The following REV3L variants were observed in gnomAD, a reference collection of about 807,000 sequenced individuals.
The protein encoded by REV3L is DNA polymerase zeta catalytic subunit.
Under a neutral mutation model 299.4 loss-of-function variants are expected in REV3L, and 69 were observed. That is an observed-to-expected ratio of 0.23 (90% CI 0.19 to 0.28). The LOEUF (loss-of-function observed/expected upper bound fraction) is 0.28. Among genes scored for constraint, REV3L ranks in the 10% least tolerant of loss-of-function variants. The pLI, the probability that REV3L is intolerant of heterozygous loss-of-function variation, is 1.00. For missense variants in REV3L, 3,128 were observed against 3,693.8 expected (o/e 0.85, Z 3.97); for synonymous variants, 1,238 against 1,271.4 (o/e 0.97, Z 0.56).
intron 1 of REV3L, among the ~76,000 whole-genome samples, chr6:111,435,202 C>A (rs1347499628): frequency 6.6e-6 from 1 of 152,120 alleles, no homozygotes; most frequent in African/African-American, 2.4e-5. Context: ...ACAGCAAGAT[C>A]CTGTCTCAAA....
intron 13 of REV3L, among the ~76,000 whole-genome samples, chr6:111,370,866 A>G (rs1167393629): frequency 1.3e-5 from 2 of 152,132 alleles, no homozygotes; most frequent in Non-Finnish European, 2.9e-5. Flanking sequence ...CTATGTTGAC[A>G]CATCATAATT....
chr6:111,463,747 G>A (rs906250520), intron 1 of REV3L, among the ~76,000 whole-genome samples: 12 of 151,996 alleles, frequency 7.9e-5, no homozygotes, highest in Admixed American at 1.3e-4. Context: ...AGAAAAAAAC[G>A]GTTTCATTAT....
At position 111,389,262 on chromosome 6, in the gene REV3L, A is replaced by C. The variant is rs776283611; in HGVS notation, c.758-52T>G. The C allele has an allele frequency of 3.8e-6, 5 of 1,299,826 alleles. No homozygotes were observed. The South Asian group carries it at 6.4e-5, about 17-fold the overall frequency. 80.5% of individuals were successfully genotyped at this position (1,299,826 alleles called of 1,614,324 possible). On this transcript the variant is annotated intron_variant, in intron 6 of 31. Transcript: ENST00000368802. ...TACAGGGTCAAAGTAAGAAATGCCT[A>C]AAAAATCTAAACTTTTCTTTAACAA...
chr6:111,416,900 C>T (rs577946045), intron 1 of REV3L, among the ~76,000 whole-genome samples: 1 of 152,046 alleles, frequency 6.6e-6, no homozygotes, highest in African/African-American at 2.4e-5. Context: ...AGAGCCTTCC[C>T]TAAAAGAGAG....
intron 1 of REV3L, among the ~76,000 whole-genome samples, chr6:111,475,438 G>A (rs539212257): frequency 3.9e-5 from 6 of 152,240 alleles, no homozygotes; most frequent in Non-Finnish European, 7.4e-5. Flanking sequence ...TTTTCAAACT[G>A]CTTTCTATAG....
chr6:111,451,505 T>G (rs1457311988), intron 1 of REV3L, among the ~76,000 whole-genome samples: 3 of 152,106 alleles, frequency 2.0e-5, no homozygotes, highest in Non-Finnish European at 4.4e-5. Flanking sequence ...CTAAGAGCAA[T>G]TATCCCTGGG....
chr6:111,307,778 C>T, intron 30 of REV3L: 1 of 556,202 alleles, frequency 1.8e-6, no homozygotes, highest in Non-Finnish European at 3.2e-6. Context: ...GAACTTACAT[C>T]TTAATATTAT....
chr6:111,401,278 G>GGT, intron 4 of REV3L, among the ~76,000 whole-genome samples: 1 of 152,270 alleles, frequency 6.6e-6, no homozygotes, highest in East Asian at 1.9e-4. Flanking sequence ...TCACAAAGAT[G>GGT]GGAGAAATTG....
In REV3L at chr6:111,365,407, A is replaced by C. The variant is rs1235276798; in HGVS notation, c.6674-63T>G. 5 of 944,096 alleles carry C rather than the reference A, an allele frequency of 5.3e-6. 1 individual carries two copies. In the East Asian group the frequency reaches 1.4e-4, roughly 26 times the overall value. 58.5% of individuals were successfully genotyped at this position (944,096 alleles called of 1,614,324 possible). A position where few individuals can be genotyped will look rare whatever the true frequency, so the allele number is the denominator to read the frequency against. ...AATTACCTGCTTCTGGTTTTTAAAA[A>C]ACCTTTTGTTGTTCCAAACACTTAA... On this transcript the variant is annotated intron_variant, in intron 14 of 31. Coordinates refer to ENST00000368802, the MANE Select transcript of REV3L (RefSeq NM_001372078.1).
At position 111,375,446 on chromosome 6, in the gene REV3L, T is replaced by A; in HGVS notation, c.2909A>T (p.Lys970Met). The A allele has an allele frequency of 6.2e-7, 1 of 1,601,366 alleles. No individual in the cohort carries two copies. Among genetic ancestry groups the A allele is most frequent in the Non-Finnish European group, 8.5e-7 (1 of 1,176,554 alleles). ...ATACTTTATGATGACAGGGGGCAGC[T>A]TTTTAGACATTTTTCTTCGTTTTCG... is the stretch of plus-strand genomic sequence containing the variant. ...KSRKRRKMSKKLPPVIIKYII... is the reference protein window; with the variant it reads ...KSRKRRKMSKMLPPVIIKYII... Residue 970 changes from lysine (K) to methionine (M), a missense_variant, in exon 13 of 32, where the codon AAG becomes ATG. This residue lies in a region of REV3L where 2,409 missense variants were observed against 2,611.8 expected (regional missense o/e 0.92). Coordinates refer to ENST00000368802, the MANE Select transcript of REV3L (RefSeq NM_001372078.1).
intron 1 of REV3L, among the ~76,000 whole-genome samples, chr6:111,428,326 T>C (rs1054691736): frequency 2.0e-5 from 3 of 152,048 alleles, no homozygotes; most frequent in African/African-American, 7.2e-5. Context: ...AGAAAAGTAA[T>C]TAAGAAATTT....
At position 111,335,588 on chromosome 6, in the gene REV3L, C is replaced by T; in HGVS notation, c.7561G>A (p.Val2521Ile). The change falls in exon 22 of 32, where the codon GTT (valine) becomes ATT (isoleucine). Residue 2521 changes from valine (V) to isoleucine (I), a missense_variant. By Grantham distance (29) the Val-to-Ile change is conservative (BLOSUM62 3). Transcript: ENST00000368802. ...LYRWKMVDHY[V>I]SRVRGNLQML... ...TGGAGATTTCCACGGACACGGCTAA[C>T]ATAATGATCAACCATTTTCCATCTG... The T allele has an allele frequency of 6.2e-7, 1 of 1,609,274 alleles. No homozygotes were observed. The highest frequency in any genetic ancestry group is 8.5e-7 in the Non-Finnish European group (1 of 1,177,854).
At chr6:111,446,777 C>T (rs562723681) in intron 1 of REV3L, among the ~76,000 whole-genome samples, 2 of 152,158 alleles carry the variant, frequency 1.3e-5, no homozygotes, top group East Asian at 3.9e-4. Flanking sequence ...CACAAATTCC[C>T]TTCAGTGGGA....
chr6:111,482,451 C>T (rs1793853281), intron 1 of REV3L, among the ~76,000 whole-genome samples: 1 of 152,110 alleles, frequency 6.6e-6, no homozygotes, highest in South Asian at 2.1e-4. Flanking sequence ...TTCGCTCTCC[C>T]GGCCCGCGCC....
At chr6:111,377,951 T>C (rs1780476892) in intron 11 of REV3L, 108 bp from the exon 12 acceptor site, 1 of 840,822 alleles carries the variant, frequency 1.2e-6, no homozygotes, top group Non-Finnish European at 1.8e-6. Flanking sequence ...AAGTTAACTA[T>C]AATAATGTAT....
intron 4 of REV3L, among the ~76,000 whole-genome samples, chr6:111,402,199 G>GACC (rs1281452107): frequency 9.2e-5 from 14 of 152,232 alleles, no homozygotes; most frequent in African/African-American, 3.1e-4. Context: ...TCTATTACTA[G>GACC]ACCAGCACCA....
intron 1 of REV3L, among the ~76,000 whole-genome samples, chr6:111,462,859 T>C (rs574599425): frequency 2.6e-5 from 4 of 152,006 alleles, no homozygotes; most frequent in Non-Finnish European, 5.9e-5. Context: ...AGAATGTAAG[T>C]ACAACACCCC....
At chr6:111,456,456 G>C (rs192371047) in intron 1 of REV3L, among the ~76,000 whole-genome samples, 1 of 152,096 alleles carries the variant, frequency 6.6e-6, no homozygotes, top group Admixed American at 6.5e-5. Flanking sequence ...AATGCTTCAC[G>C]GATTTGGCTC....
Position 111,375,289 on chromosome 6 carries a change from G to C in REV3L, c.3066C>G (p.Asp1022Glu). ...GGGAGTCGGGAACTTTTGGCCAAAA[G>C]TCCTTCAAAGGTGCAAGCTTTTTAT... is the stretch of plus-strand genomic sequence containing the variant. ...ELYKKLAPLKDFWPKVPDSPA... is the reference protein window; with the variant it reads ...ELYKKLAPLKEFWPKVPDSPA... Residue 1022 changes from aspartate (D) to glutamate (E), a missense_variant, in exon 13 of 32, where the codon GAC (aspartate) becomes GAG (glutamate). Asp to Glu is a conservative substitution (Grantham distance 45, BLOSUM62 2). Coordinates refer to ENST00000368802, the MANE Select transcript of REV3L (RefSeq NM_001372078.1). 1 of 1,603,526 alleles carries C rather than the reference G, an allele frequency of 6.2e-7. No homozygotes were observed. The highest frequency in any genetic ancestry group is 1.1e-5 in the South Asian group (1 of 87,238).
Sources: gnomAD v4.1 joint callset for allele counts (sites outside exome capture counted in the v4.1 genomes callset) on GRCh38, gnomAD v4.1.1 for gene constraint, gnomAD v4.1.1 regional missense constraint, MANE v1.5 for transcripts, NCBI Gene and HGNC (gene_info 2026-07-23, HGNC 2026-07-21) for gene names.